The following LRP1B variants were observed in gnomAD, a reference collection of about 807,000 sequenced individuals.
The protein encoded by LRP1B is low-density lipoprotein receptor-related protein 1B.
A neutral mutation model predicts 556.6 loss-of-function variants in LRP1B; 217 were observed. That is an observed-to-expected ratio of 0.39 (90% CI 0.35 to 0.44). The LOEUF is 0.44. LRP1B is among the 20% of genes least tolerant of loss of function. The pLI, the probability that LRP1B is intolerant of heterozygous loss-of-function variation, is 1.00. For synonymous variants in LRP1B, 2,047 were observed against 1,865.8 expected (o/e 1.10, Z -2.50); for missense variants, 5,053 against 5,620.8 (o/e 0.90, Z 3.23).
At chr2:140,690,091 G>A (rs1482470896) in intron 41 of LRP1B, among the ~76,000 whole-genome samples, 3 of 151,514 alleles carry the variant, frequency 2.0e-5, no homozygotes, top group Admixed American at 2.0e-4. Context: ...GAATATCAGA[G>A]CATAAATTTC....
At position 141,872,111 on chromosome 2, in the gene LRP1B, A is replaced by G. The variant is rs547627496; in HGVS notation, c.83-61710T>C. ...CTTCAGCCTAAAGAGAGAGCTTGGA[A>G]GGACACAAGACTAGAAGTCTTGAGG... is the stretch of plus-strand genomic sequence containing the variant. On this transcript the variant is annotated intron_variant, in intron 1 of 90. Coordinates refer to ENST00000389484, the MANE Select transcript of LRP1B (RefSeq NM_018557.3). 2.7e-3 allele frequency among the ~76,000 whole-genome samples: 418 copies of G among 152,028 alleles called. 5 individuals carry two copies. Among genetic ancestry groups the G allele is most frequent in the Non-Finnish European group, 2.4e-3 (160 of 67,886 alleles).
chr2:140,571,667 T>A (rs1013267106), intron 43 of LRP1B, among the ~76,000 whole-genome samples: 8 of 151,750 alleles, frequency 5.3e-5, no homozygotes, highest in African/African-American at 1.9e-4. Context: ...AAAACTTATA[T>A]GAAATCACAA....
At position 141,011,952 on chromosome 2, in the gene LRP1B, T is replaced by C. The variant is rs138590066; in HGVS notation, c.2380+1604A>G. Among the ~76,000 whole-genome samples the C allele has an allele frequency of 2.0e-3, 301 of 152,154 alleles. 2 individuals carry two copies. The highest frequency in any genetic ancestry group is 6.8e-3 in the African/African-American group (283 of 41,544). On this transcript the variant is annotated intron_variant, in intron 14 of 90. Transcript: ENST00000389484. Reference sequence around the variant, plus strand: ...AAACAAATACCTCCTATTAGAGAAATTGTAGGGGTAAGTTACCTACCATAA... The same window carrying C: ...AAACAAATACCTCCTATTAGAGAAACTGTAGGGGTAAGTTACCTACCATAA...
At chr2:140,273,034 G>C (rs2104949096) in intron 85 of LRP1B, among the ~76,000 whole-genome samples, 1 of 152,032 alleles carries the variant, frequency 6.6e-6, no homozygotes, top group African/African-American at 2.4e-5. Flanking sequence ...CCTGATCCCT[G>C]CCCTTTCTTC....
At chr2:141,359,846 C>T (rs1488076768) in intron 3 of LRP1B, among the ~76,000 whole-genome samples, 1 of 134,882 alleles carries the variant, frequency 7.4e-6, no homozygotes, top group East Asian at 2.2e-4. Context: ...ATTAGCTAAT[C>T]ACTTTCAAAT....
chr2:140,389,723 TTA>T lies in LRP1B; in HGVS notation c.10415-3716_10415-3715del, dbSNP rs898589543. ...TTTCCAAAGTTTTATATATATATAG[TTA>T]TATATATGTATATATAGTTTTATAT... On this transcript the variant is annotated intron_variant, in intron 66 of 90. Transcript: ENST00000389484. 4.3e-3 allele frequency among the ~76,000 whole-genome samples: 633 copies of T among 147,752 alleles called. 1 individual carries two copies. The highest frequency in any genetic ancestry group is 6.6e-3 in the Non-Finnish European group (443 of 67,090).
intron 1 of LRP1B, among the ~76,000 whole-genome samples, chr2:141,812,429 A>G (rs557483310): frequency 6.6e-6 from 1 of 152,242 alleles, no homozygotes; most frequent in Non-Finnish European, 1.5e-5. Context: ...CGTTTGATCT[A>G]CGGTCTTGAA....
intron 7 of LRP1B, among the ~76,000 whole-genome samples, chr2:141,068,432 G>A (rs187075351): frequency 2.6e-5 from 4 of 151,928 alleles, no homozygotes; most frequent in Admixed American, 6.6e-5. Flanking sequence ...AAGATTGGTC[G>A]GACCAGGTGT....
chr2:142,084,034 C>T (rs2104936410), intron 1 of LRP1B, among the ~76,000 whole-genome samples: 1 of 149,778 alleles, frequency 6.7e-6, no homozygotes, highest in South Asian at 2.1e-4. Flanking sequence ...GGCTGGAGTG[C>T]AGTGGTGCGA....
At chr2:141,554,691 A>G (rs1252421103) in intron 2 of LRP1B, among the ~76,000 whole-genome samples, 1 of 151,992 alleles carries the variant, frequency 6.6e-6, no homozygotes, top group Non-Finnish European at 1.5e-5. Context: ...TAAGAAGCCA[A>G]TATGTATAAA....
chr2:141,621,250 A>T (rs973395447), intron 2 of LRP1B, among the ~76,000 whole-genome samples: 1 of 152,214 alleles, frequency 6.6e-6, no homozygotes, highest in African/African-American at 2.4e-5. Context: ...CAATTGGCAA[A>T]TAAAAATTAC....
chr2:140,236,872 A>C (rs1680727944), intron 89 of LRP1B, among the ~76,000 whole-genome samples: 1 of 150,936 alleles, frequency 6.6e-6, no homozygotes, highest in East Asian at 2.0e-4. Context: ...CTAATACCTC[A>C]ACACATTTGA....
chr2:140,380,642 T>C (rs1683432140), intron 67 of LRP1B, among the ~76,000 whole-genome samples: 1 of 152,196 alleles, frequency 6.6e-6, no homozygotes, highest in Non-Finnish European at 1.5e-5. Flanking sequence ...TCTAATTTCA[T>C]AGAATTGGGA....
intron 3 of LRP1B, among the ~76,000 whole-genome samples, chr2:141,437,208 C>G (rs562737626): frequency 2.0e-5 from 3 of 152,098 alleles, no homozygotes; most frequent in Admixed American, 6.5e-5. Context: ...TATGAATATT[C>G]CTGTTCTTTC....
chr2:141,437,780 GA>G (rs1294168444), intron 3 of LRP1B, among the ~76,000 whole-genome samples: 1 of 151,612 alleles, frequency 6.6e-6, no homozygotes, highest in Non-Finnish European at 1.5e-5. Flanking sequence ...CAGAAGGGGA[GA>G]AAAAATAATA....
chr2:141,053,402 C>T (rs1287149845), intron 10 of LRP1B, among the ~76,000 whole-genome samples: 2 of 151,740 alleles, frequency 1.3e-5, no homozygotes, highest in Non-Finnish European at 2.9e-5. Flanking sequence ...TATTTTTTGC[C>T]AGTTAGGGAC....
At chr2:141,475,975 G>C (rs1288916521) in intron 3 of LRP1B, among the ~76,000 whole-genome samples, 1 of 152,176 alleles carries the variant, frequency 6.6e-6, no homozygotes, top group Non-Finnish European at 1.5e-5. Context: ...AGGGCACCCA[G>C]CTGGTTAACA....
intron 41 of LRP1B, among the ~76,000 whole-genome samples, chr2:140,675,026 T>G (rs1685622622): frequency 6.6e-6 from 1 of 152,220 alleles, no homozygotes; most frequent in African/African-American, 2.4e-5. Flanking sequence ...TAGAGGCTGA[T>G]GGTATTATTT....
intron 43 of LRP1B, among the ~76,000 whole-genome samples, chr2:140,548,628 T>A (rs1054117228): frequency 1.3e-5 from 2 of 152,044 alleles, no homozygotes; most frequent in African/African-American, 4.8e-5. Context: ...TCATCCTCTA[T>A]CAAAATATAA....
Sources: allele counts gnomAD v4.1 joint callset (sites outside exome capture counted in the v4.1 genomes callset), GRCh38; gene constraint gnomAD v4.1.1; transcripts MANE v1.5; gene names NCBI Gene and HGNC (gene_info 2026-07-23, HGNC 2026-07-21).